Variants in ANK2 observed in about 807,000 individuals in gnomAD.
ANK2 encodes the protein ankyrin-2.
Under a neutral mutation model 360.5 loss-of-function variants are expected in ANK2, and 83 were observed. That is an observed-to-expected ratio of 0.23 (90% CI 0.19 to 0.28). The LOEUF is 0.28. Among genes scored for constraint, ANK2 ranks in the 10% least tolerant of loss-of-function variants. The probability of loss-of-function intolerance (pLI) is 1.00; values close to 1 mark genes in which losing one functional copy is unlikely to be tolerated. For missense variants in ANK2, 4,201 were observed against 4,795.7 expected, an observed-to-expected ratio of 0.88 and a Z score of 3.66; for synonymous variants, 1,740 against 1,759.5, an observed-to-expected ratio of 0.99 and a Z score of 0.28.
the ANK2 span, among the ~76,000 whole-genome samples, chr4:112,803,408 G>A: frequency 1.3e-5 from 2 of 152,134 alleles, no homozygotes; most frequent in Non-Finnish European, 2.9e-5. Context: ...TTTGACACAA[G>A]CACAGAAGAG....
intron 1 of ANK2, among the ~76,000 whole-genome samples, chr4:112,896,766 A>G (rs1351417802): frequency 6.6e-6 from 1 of 152,006 alleles, no homozygotes; most frequent in East Asian, 1.9e-4. Flanking sequence ...GCTGTCACCA[A>G]CCTGAGAACT....
intron 1 of ANK2, among the ~76,000 whole-genome samples, chr4:112,850,256 C>A (rs2064376108): frequency 7.4e-5 from 8 of 107,524 alleles, no homozygotes; most frequent in Admixed American, 6.6e-4. Context: ...TTTCATCTAT[C>A]TATCTATCTA....
the ANK2 span, among the ~76,000 whole-genome samples, chr4:112,808,234 T>G: frequency 6.6e-6 from 1 of 152,192 alleles, no homozygotes; most frequent in Non-Finnish European, 1.5e-5. Context: ...GAGTCTTGAG[T>G]CCTTAGATCT....
chr4:113,215,806 C>G (rs1312996103), intron 4 of ANK2, among the ~76,000 whole-genome samples: 1 of 151,750 alleles, frequency 6.6e-6, no homozygotes, highest in African/African-American at 2.4e-5. Context: ...AACACAAAAA[C>G]AAAAACAAAA....
intron 1 of ANK2, among the ~76,000 whole-genome samples, chr4:113,173,688 G>T (rs951684026): frequency 2.6e-5 from 4 of 152,178 alleles, no homozygotes; most frequent in African/African-American, 9.7e-5. Context: ...TTTGAGAGGA[G>T]TGTGGGAAGA....
chr4:113,038,559 C>T (rs1378722953), intron 2 of ANK2, among the ~76,000 whole-genome samples: 1 of 151,860 alleles, frequency 6.6e-6, no homozygotes, highest in East Asian at 1.9e-4. Context: ...CAAGATGGCT[C>T]CCCTTCCATA....
intron 1 of ANK2, among the ~76,000 whole-genome samples, chr4:113,118,890 T>C (rs1383879182): frequency 6.6e-6 from 1 of 152,230 alleles, no homozygotes; most frequent in Non-Finnish European, 1.5e-5. Flanking sequence ...AGCATTCAGC[T>C]GTGACCTAGC....
rs181280408 is a variant in ANK2 at position 113,095,388 on chromosome 4, T to C, written c.84+45576T>C. Among the ~76,000 whole-genome samples, 759 of 152,348 alleles carry C rather than the reference T, an allele frequency of 5.0e-3. 2 individuals carry two copies. The highest frequency in any genetic ancestry group is 0.017 in the Middle Eastern group (5 of 294). ...TTATATACTCCAAGAACTCTAAAAC[T>C]GTACCTATATGAGTAAAAATTGTTA... On this transcript the variant is annotated intron_variant, in intron 1 of 45. Transcript: ENST00000357077.
At chr4:112,728,210 T>C in the ANK2 span, among the ~76,000 whole-genome samples, 18 of 140,394 alleles carry the variant, frequency 1.3e-4, no homozygotes, top group African/African-American at 4.8e-4. Flanking sequence ...GGAGTATCGC[T>C]TGAACCCGGG....
At chr4:112,827,187 G>T (rs2058595557) in intron 1 of ANK2, 2 of 1,160,148 alleles carry the variant, frequency 1.7e-6, no homozygotes, top group Admixed American at 1.7e-5. Flanking sequence ...GTGATACCAG[G>T]TCACACCTCA....
At chr4:112,723,353 GA>G in the ANK2 span, among the ~76,000 whole-genome samples, 46 of 152,152 alleles carry the variant, frequency 3.0e-4, no homozygotes, top group African/African-American at 1.1e-3. Context: ...GGCTCCTCAA[GA>G]TTTTTTTTTG....
the ANK2 span, among the ~76,000 whole-genome samples, chr4:112,756,113 C>T: frequency 2.0e-5 from 3 of 151,794 alleles, no homozygotes; most frequent in Admixed American, 6.6e-5. Flanking sequence ...GTGGCGGGTG[C>T]CTGTAGTCCC....
chr4:113,058,601 G>C (rs551782531), intron 1 of ANK2, among the ~76,000 whole-genome samples: 44 of 152,138 alleles, frequency 2.9e-4, no homozygotes, highest in African/African-American at 1.1e-3. Flanking sequence ...TTTTTCAGAT[G>C]TTCTAAATGC....
At chr4:113,177,398 G>A (rs2098258401) in intron 2 of ANK2, among the ~76,000 whole-genome samples, 1 of 152,134 alleles carries the variant, frequency 6.6e-6, no homozygotes, top group Admixed American at 6.5e-5. Context: ...GTTTCTTTAA[G>A]TAGATTAAAT....
intron 2 of ANK2, among the ~76,000 whole-genome samples, chr4:113,029,698 C>T (rs564521840): frequency 1.9e-4 from 29 of 152,104 alleles, no homozygotes; most frequent in Non-Finnish European, 1.8e-4. Flanking sequence ...AGAGAGAGCC[C>T]GACCTATTCG....
intron 4 of ANK2, among the ~76,000 whole-genome samples, chr4:113,229,985 A>T (rs1333154926): frequency 6.6e-6 from 1 of 151,628 alleles, no homozygotes; most frequent in Non-Finnish European, 1.5e-5. Flanking sequence ...TTCCACACCC[A>T]CTCATTGTTT....
In ANK2 at chr4:113,006,320, C is replaced by T. The variant is rs368803397; in HGVS notation, c.21+101806C>T. 3.9e-5 allele frequency among the ~76,000 whole-genome samples: 6 copies of T among 151,984 alleles called. No individual in the cohort carries two copies. In the East Asian group the frequency reaches 1.2e-3, roughly 29 times the overall value. On this transcript the variant is annotated intron_variant, in intron 2 of 30. Transcript: ENST00000503271. ...ATATCAATAAAAGGAGGGAAAAGCT[C>T]CCACATTCAATAAGGCAAAGACTGA...
intron 14 of ANK2, among the ~76,000 whole-genome samples, chr4:113,274,122 C>G (rs929265900): frequency 6.6e-5 from 10 of 152,212 alleles, no homozygotes; most frequent in Middle Eastern, 3.4e-3. Flanking sequence ...GACTTTTGGA[C>G]TAGATTTTAT....
intron 41 of ANK2, among the ~76,000 whole-genome samples, chr4:113,367,038 G>C (rs2096563721): frequency 6.6e-6 from 1 of 152,120 alleles, no homozygotes; most frequent in Non-Finnish European, 1.5e-5. Flanking sequence ...TGTCATAAAA[G>C]ACTCTACATA....
Sources: gnomAD v4.1 joint callset for allele counts (sites outside exome capture counted in the v4.1 genomes callset) on GRCh38, gnomAD v4.1.1 for gene constraint, MANE v1.5 for transcripts, NCBI Gene and HGNC (gene_info 2026-07-23, HGNC 2026-07-21) for gene names.